IDI1: variants seen among roughly 807,000 people sequenced by gnomAD.
IDI1 encodes isopentenyl-diphosphate delta isomerase 1.
In IDI1, 23 loss-of-function variants were observed where a neutral mutation model predicts 32.9. That is an observed-to-expected ratio of 0.70 (90% CI 0.50 to 0.99). IDI1 has a LOEUF of 0.99. IDI1 is among the 50% of genes least tolerant of loss of function. The pLI, the probability that IDI1 is intolerant of heterozygous loss-of-function variation, is 0.00. For missense variants in IDI1, 326 were observed against 351.9 expected (o/e 0.93, Z 0.59); for synonymous variants, 133 against 128.2 (o/e 1.04, Z -0.25).
chr10:1,042,827 A>C, intron 3 of IDI1, 65 bp from the exon 4 acceptor site: 1 of 1,353,708 alleles, frequency 7.4e-7, no homozygotes, highest in Non-Finnish European at 1.0e-6. Flanking sequence ...GATCAAGAAA[A>C]AGTTTTATAA....
chr10:1,044,880 T>C (rs1385052369), intron 1 of IDI1, among the ~76,000 whole-genome samples: 1 of 152,252 alleles, frequency 6.6e-6, no homozygotes, highest in African/African-American at 2.4e-5. Flanking sequence ...AAGTTTTTTC[T>C]GTGAAGGGCC....
At chr10:1,041,930 T>G (rs915399146) in intron 4 of IDI1, among the ~76,000 whole-genome samples, 1 of 151,620 alleles carries the variant, frequency 6.6e-6, no homozygotes, top group African/African-American at 2.4e-5. Flanking sequence ...CTCAGCCTCC[T>G]GAGTAGCTGG....
intron 1 of IDI1, chr10:1,048,527 C>T (rs927113701): frequency 6.3e-6 from 8 of 1,278,968 alleles, no homozygotes; most frequent in Non-Finnish European, 8.0e-6. Context: ...ACTCGCAACT[C>T]TTAGTCTCCT....
chr10:1,047,824 T>C (rs937459019), intron 1 of IDI1, among the ~76,000 whole-genome samples: 1 of 152,240 alleles, frequency 6.6e-6, no homozygotes, highest in African/African-American at 2.4e-5. Flanking sequence ...CCTACATAAA[T>C]AGTTGTGCTG....
chr10:1,054,897 A>C, the IDI1 span, among the ~76,000 whole-genome samples: 1 of 152,262 alleles, frequency 6.6e-6, no homozygotes, highest in East Asian at 1.9e-4. Context: ...CTAAGTGTGC[A>C]GACAGACACG....
At chr10:1,045,981 CAA>C (rs761630940) in intron 1 of IDI1, among the ~76,000 whole-genome samples, 108 of 152,036 alleles carry the variant, frequency 7.1e-4, no homozygotes, top group South Asian at 3.5e-3. Flanking sequence ...TAAAACAAAT[CAA>C]GAGGGAAAAT....
At position 1,041,446 on chromosome 10, in the gene IDI1, C is replaced by A. The variant is rs373164047; in HGVS notation, c.596G>T (p.Gly199Val). 3 of 1,609,970 alleles carry A rather than the reference C, an allele frequency of 1.9e-6. No homozygotes were observed. Among genetic ancestry groups the A allele is most frequent in the African/African-American group, 2.7e-5 (2 of 74,832 alleles). Residue 199 changes from glycine (G) to valine (V), a missense_variant, in exon 5 of 5, where the codon GGT (glycine) becomes GTT (valine). Transcript: ENST00000381344. ...TRIHYKAQSD[G>V]IWGEHEIDYI... ...ATCAATTTCATGTTCACCCCAGATA[C>A]CATCAGACTGAGCTTTGTAGTGAAT...
At chr10:1,048,753 G>T in intron 1 of IDI1, 111 bp downstream of exon 1, 1 of 1,489,750 alleles carries the variant, frequency 6.7e-7, no homozygotes. Context: ...AGGCCTCCGC[G>T]CCGAGACCTC....
upstream of IDI1, chr10:1,049,281 T>G (rs563633511): frequency 8.1e-6 from 4 of 493,052 alleles, no homozygotes; most frequent in South Asian, 8.5e-5. Flanking sequence ...CTGCGAACGG[T>G]GCCTAACGTC....
Position 1,041,191 on chromosome 10 carries a change from A to G in IDI1, c.851T>C (p.Met284Thr). The change falls in exon 5 of 5, where the codon ATG (methionine) becomes ACG (threonine). Residue 284 changes from methionine (M) to threonine (T), a missense_variant. By Grantham distance (81) the Met-to-Thr change is moderately conservative. Transcript: ENST00000381344. ...QFVDHEKIYR[M>T] Reference sequence around the variant, plus strand: ...TGTAATCATTTACCTACATATTCACATTCTGTATATTTTCTCATGGTCAAC... The same window carrying G: ...TGTAATCATTTACCTACATATTCACGTTCTGTATATTTTCTCATGGTCAAC... 1 of 1,572,980 alleles carries G rather than the reference A, an allele frequency of 6.4e-7. No individual in the cohort carries two copies. Among genetic ancestry groups the G allele is most frequent in the Non-Finnish European group, 8.7e-7 (1 of 1,147,420 alleles).
rs1291283663 is a variant in IDI1 at position 1,040,424 on chromosome 10, C to T, written c.*763G>A. ...TATCCAGCCCAAATGTCAACAGTGT[C>T]AAGTTTAAGCAACTCTTACCGAGTG... On this transcript the variant is annotated 3_prime_UTR_variant, in exon 5 of 5. Coordinates refer to ENST00000381344, the MANE Select transcript of IDI1 (RefSeq NM_004508.4). 1.3e-5 allele frequency: 2 copies of T among 152,282 alleles called. No homozygotes were observed. Among genetic ancestry groups the T allele is most frequent in the East Asian group, 3.8e-4 (2 of 5,208 alleles). The allele number at this position is 152,282 out of a possible 1,614,324, so 9.4% of individuals were successfully genotyped here.
upstream of IDI1, among the ~76,000 whole-genome samples, chr10:1,054,076 GAT>G (rs1210781444): frequency 6.6e-6 from 1 of 152,178 alleles, no homozygotes; most frequent in Non-Finnish European, 1.5e-5. Context: ...TAATATCAAA[GAT>G]CACTAATCAC....
rs1832712363 is a variant in IDI1, at chr10:1,043,998, C to A, written c.313+1G>T. On this transcript the variant is annotated splice_donor_variant, in intron 2 of 4. Coordinates refer to ENST00000381344, the MANE Select transcript of IDI1 (RefSeq NM_004508.4). LOFTEE classifies it high-confidence loss of function. Reference sequence around the variant, plus strand: ...CAAGAAAGACTGTTTCAAAGCAGCACCTTTCTCAATGTTCTCGTTCAGGTG... The same window carrying A: ...CAAGAAAGACTGTTTCAAAGCAGCAACTTTCTCAATGTTCTCGTTCAGGTG... 3.1e-6 allele frequency: 5 copies of A among 1,609,720 alleles called. No homozygotes were observed. The highest frequency in any genetic ancestry group is 4.2e-6 in the Non-Finnish European group (5 of 1,178,538).
intron 4 of IDI1, 77 bp from the exon 5 acceptor site, chr10:1,041,581 T>A: frequency 1.4e-6 from 1 of 731,520 alleles, no homozygotes. Context: ...GCTCACTGTA[T>A]TACAGCGATA....
chr10:1,053,291 C>G (rs983266584), upstream of IDI1, among the ~76,000 whole-genome samples: 1 of 152,234 alleles, frequency 6.6e-6, no homozygotes. Flanking sequence ...CATAAGCCAC[C>G]ATGCCTGGCC....
At chr10:1,051,220 A>G (rs988173124), upstream of IDI1, among the ~76,000 whole-genome samples, 7 of 152,234 alleles carry the variant, frequency 4.6e-5, no homozygotes, top group East Asian at 1.9e-4. Flanking sequence ...CACATTGTTA[A>G]TATCACTAGT....
chr10:1,053,815 G>A (rs1337266480), upstream of IDI1, among the ~76,000 whole-genome samples: 7 of 150,298 alleles, frequency 4.7e-5, no homozygotes, highest in Non-Finnish European at 1.0e-4. Context: ...CTGCAGCCTC[G>A]AACTCCTAGG....
At position 1,040,459 on chromosome 10, in the gene IDI1, T is replaced by C. The variant is rs1260318784; in HGVS notation, c.*728A>G. ...CAACTCTTACCGAGTGGGACTCAAT[T>C]CCCATTTTATGAACACCTCTGTGCT... On this transcript the variant is annotated 3_prime_UTR_variant, in exon 5 of 5. Coordinates refer to ENST00000381344, the MANE Select transcript of IDI1 (RefSeq NM_004508.4). 6.6e-6 allele frequency: 1 copy of C among 152,192 alleles called. No homozygotes were observed. The highest frequency in any genetic ancestry group is 1.5e-5 in the Non-Finnish European group (1 of 68,066). 9.4% of individuals were successfully genotyped at this position (152,192 alleles called of 1,614,324 possible).
chr10:1,049,718 A>C (rs1832941579), upstream of IDI1: 1 of 151,896 alleles, frequency 6.6e-6, no homozygotes, highest in African/African-American at 2.4e-5. Context: ...GCAATGGTGC[A>C]GTCTCCGCTC....
Sources: gnomAD v4.1 joint callset for allele counts (sites outside exome capture counted in the v4.1 genomes callset) on GRCh38, gnomAD v4.1.1 for gene constraint, MANE v1.5 for transcripts, NCBI Gene and HGNC (gene_info 2026-07-23, HGNC 2026-07-21) for gene names.